RYR1: variants seen among roughly 807,000 people sequenced by gnomAD.
RYR1 encodes the protein ryanodine receptor 1, also known as central core disease of muscle.
Under a neutral mutation model 583.5 loss-of-function variants are expected in RYR1, and 342 were observed. The observed-to-expected ratio is 0.59, with a 90% CI of 0.54 to 0.64. The LOEUF is 0.64. Ranked by LOEUF, RYR1 falls within the 30% of genes least tolerant of loss-of-function variation. The probability of loss-of-function intolerance (pLI) is 0.00; values close to 1 mark genes in which losing one functional copy is unlikely to be tolerated. For missense variants in RYR1, 6,032 were observed against 6,917.2 expected (o/e 0.87, Z 4.54); for synonymous variants, 2,791 against 2,822.5 (o/e 0.99, Z 0.35).
In RYR1 at chr19:38,499,336, T is replaced by G; in HGVS notation, c.7027+93T>G. Reference sequence around the variant, plus strand: ...GACTGCTCGCACCCTGAGCCACAGATGGGGTCCAGGCAGGAATCCCTTCCA... The same window carrying G: ...GACTGCTCGCACCCTGAGCCACAGAGGGGGTCCAGGCAGGAATCCCTTCCA... On this transcript the variant is annotated intron_variant, in intron 43 of 105. Coordinates refer to ENST00000359596, the MANE Select transcript of RYR1 (RefSeq NM_000540.3). This position sits in a 1 kb window ranked among gnomAD's most constrained non-coding sequence, Gnocchi z 7.3. The G allele has an allele frequency of 6.3e-7, 1 of 1,591,462 alleles. No individual in the cohort carries two copies. The highest frequency in any genetic ancestry group is 1.7e-5 in the Admixed American group (1 of 59,934).
At chr19:38,575,409 C>G (rs1973911448) in intron 96 of RYR1, among the ~76,000 whole-genome samples, 1 of 152,126 alleles carries the variant, frequency 6.6e-6, no homozygotes, top group African/African-American at 2.4e-5. Context: ...CCTGTAATCC[C>G]AGCACTTTGG....
intron 34 of RYR1, 34 bp from the exon 35 acceptor site, chr19:38,489,143 G>A (rs771804725): frequency 2.5e-6 from 4 of 1,608,888 alleles, no homozygotes; most frequent in Non-Finnish European, 2.6e-6. Flanking sequence ...AGGCCTTGCA[G>A]GCCACAGTGA....
chr19:38,519,475 C>T, intron 67 of RYR1, 21 bp downstream of exon 67: 1 of 1,578,194 alleles, frequency 6.3e-7, no homozygotes, highest in Non-Finnish European at 8.6e-7. Flanking sequence ...CCCCGCTGTC[C>T]CCATGCCCTC....
At position 38,473,446 on chromosome 19, in the gene RYR1, C is replaced by A. The variant is rs1249689187; in HGVS notation, c.3835C>A (p.Gln1279Lys). 1.9e-6 allele frequency: 3 copies of A among 1,613,964 alleles called. No homozygotes were observed. Among genetic ancestry groups the A allele is most frequent in the Non-Finnish European group, 2.5e-6 (3 of 1,179,962 alleles). ...CCTGACCCACCGCACCTGGGGCTCC[C>A]AGAACAGCCTGGTGGAGATGCTTTT... is the stretch of plus-strand genomic sequence containing the variant. ...LRLTHRTWGSQNSLVEMLFLR... is the reference protein window; with the variant it reads ...LRLTHRTWGSKNSLVEMLFLR... The change falls in exon 28 of 106, where the codon CAG becomes AAG. Residue 1279 changes from glutamine (Q) to lysine (K), a missense_variant. Physicochemically the swap from Gln to Lys is moderately conservative, Grantham distance 53. Around this residue, in one of 11 missense-constraint regions of RYR1, gnomAD observed 2,627 missense variants for 2,961.3 expected, o/e 0.89. Coordinates refer to ENST00000359596, the MANE Select transcript of RYR1 (RefSeq NM_000540.3).
chr19:38,442,598 C>CA, intron 3 of RYR1, 145 bp downstream of exon 3: 1 of 652,552 alleles, frequency 1.5e-6, no homozygotes, highest in South Asian at 1.7e-5. Context: ...CCCTGCCCCC[C>CA]ACAGGCCCTC....
At chr19:38,451,364 T>C (rs1967066242) in intron 11 of RYR1, among the ~76,000 whole-genome samples, 1 of 151,958 alleles carries the variant, frequency 6.6e-6, no homozygotes, top group Non-Finnish European at 1.5e-5. Flanking sequence ...TGGCATTCTA[T>C]CTGGGACAGG....
chr19:38,486,555 C>A (rs1048096485), intron 34 of RYR1, among the ~76,000 whole-genome samples: 1 of 152,158 alleles, frequency 6.6e-6, no homozygotes. Flanking sequence ...GTTGGCCAGG[C>A]TGGTCTCAAA....
At chr19:38,489,067 A>G (rs1235926875) in intron 34 of RYR1, 110 bp from the exon 35 acceptor site, 13 of 963,816 alleles carry the variant, frequency 1.3e-5, no homozygotes, top group Non-Finnish European at 3.3e-6. Flanking sequence ...GGATCAGCCA[A>G]TGCAGGAATG....
chr19:38,537,543 C>A (rs775227794), intron 83 of RYR1, among the ~76,000 whole-genome samples: 1 of 152,166 alleles, frequency 6.6e-6, no homozygotes, highest in Non-Finnish European at 1.5e-5. Flanking sequence ...AGGGCATTAC[C>A]AGCTGCCTGA....
chr19:38,536,188 G>A lies in RYR1; in HGVS notation c.11590+118G>A, dbSNP rs974109097. ...TTCCTCCAAGACACTGGTTCCCAAG[G>A]GCTCCCTCGGGTCCCTCCCTCTGCT... On this transcript the variant is annotated intron_variant, in intron 82 of 105. Transcript: ENST00000359596. 4 of 890,036 alleles carry A rather than the reference G, an allele frequency of 4.5e-6. No individual in the cohort carries two copies. The African/African-American group carries it at 5.6e-5, about 12-fold the overall frequency. 55.1% of individuals were successfully genotyped at this position (890,036 alleles called of 1,614,324 possible). A position where few individuals can be genotyped will look rare whatever the true frequency, so the allele number is the denominator to read the frequency against.
At position 38,567,881 on chromosome 19, in the gene RYR1, C is replaced by G. The variant is rs777869263; in HGVS notation, c.13623C>G (p.Phe4541Leu). 10 of 1,613,894 alleles carry G rather than the reference C, an allele frequency of 6.2e-6. No homozygotes were observed. The Admixed American group carries it at 1.7e-4, about 27-fold the overall frequency. ...AGAAGGAGGAAGCTGGAGGCGAATT[C>G]TGGGGAGAACTGGAGGTGCAGAGGG... is the stretch of plus-strand genomic sequence containing the variant. The part of the protein sequence containing the change: ...PPKKEEAGGE[F>L]WGELEVQRVK... Residue 4541 changes from phenylalanine (F) to leucine (L), a missense_variant, in exon 93 of 106, where the codon TTC becomes TTG. Transcript: ENST00000359596.
At position 38,477,029 on chromosome 19, in the gene RYR1, T is replaced by TC. The variant is rs200860065; in HGVS notation, c.4294-680dup. 4.8e-3 allele frequency among the ~76,000 whole-genome samples: 589 copies of TC among 122,926 alleles called. 9 individuals carry two copies. Among genetic ancestry groups the TC allele is most frequent in the African/African-American group, 0.017 (561 of 32,416 alleles). The allele number at this position is 122,926 out of a possible 152,430, so 80.6% of individuals were successfully genotyped here. ...CTGGATGACAGAGGGAGACTGCAAC[T>TC]CAAAAAAAATAAAAATAAAAAAATA... On this transcript the variant is annotated intron_variant, in intron 29 of 105. Coordinates refer to ENST00000359596, the MANE Select transcript of RYR1 (RefSeq NM_000540.3).
At chr19:38,527,824 G>A (rs1971539481) in intron 73 of RYR1, 40 bp downstream of exon 73, 3 of 1,611,240 alleles carry the variant, frequency 1.9e-6, no homozygotes, top group Non-Finnish European at 2.5e-6. Flanking sequence ...GGGTCTCTGG[G>A]CGGAGCCTGG....
chr19:38,581,514 C>CTTATTTGAGCTTTTCAAACTATTATT (rs1974208222), intron 101 of RYR1, among the ~76,000 whole-genome samples: 1 of 152,120 alleles, frequency 6.6e-6, no homozygotes, highest in Admixed American at 6.6e-5. Flanking sequence ...CGCACCTGGC[C>CTTATTTGAGCTTTTCAAACTATTATT]ATGTCAGATA....
At chr19:38,491,585 C>T (rs138729614) in intron 37 of RYR1, among the ~76,000 whole-genome samples, 2,065 of 152,074 alleles carry the variant, frequency 0.014, 29 homozygotes, top group South Asian at 0.041. Context: ...TGTGCCACCA[C>T]GCCTGGCTAA....
chr19:38,488,822 T>A (rs1969417417), intron 34 of RYR1, among the ~76,000 whole-genome samples: 1 of 152,222 alleles, frequency 6.6e-6, no homozygotes, highest in Non-Finnish European at 1.5e-5. Context: ...TTCATTATGT[T>A]GACTGAGAGC....
In RYR1 at chr19:38,460,621, C is replaced by T. The variant is rs143335342; in HGVS notation, c.2577+30C>T. The T allele has an allele frequency of 3.8e-5, 61 of 1,588,206 alleles. No individual in the cohort carries two copies. In the East Asian group the frequency reaches 4.2e-4, roughly 11 times the overall value. On this transcript the variant is annotated intron_variant, in intron 20 of 105. Transcript: ENST00000359596. ...TGCCTGCCCTGCAAAGGTTTTCTGG[C>T]GAGGCAGGGTCTCTTAGGAGTCAGA...
Position 38,459,282 on chromosome 19 carries a change from G to A in RYR1, c.2304G>A (p.Glu768=), listed in dbSNP as rs2145414163. Residue 768 remains glutamate, a synonymous_variant, in exon 19 of 106, where the codon GAG becomes GAA. Transcript: ENST00000359596. ...INGCPVQGVF[E]SFNLDGLFFP... Reference sequence around the variant, plus strand: ...GCTGCCCCGTGCAGGGTGTCTTTGAGTCCTTCAACCTGGACGGGCTCTTCT... The same window carrying A: ...GCTGCCCCGTGCAGGGTGTCTTTGAATCCTTCAACCTGGACGGGCTCTTCT... 1.9e-6 allele frequency: 3 copies of A among 1,614,110 alleles called. No homozygotes were observed. Among genetic ancestry groups the A allele is most frequent in the Non-Finnish European group, 2.5e-6 (3 of 1,180,028 alleles).
At chr19:38,480,309 A>T (rs905353882) in intron 31 of RYR1, among the ~76,000 whole-genome samples, 1 of 149,430 alleles carries the variant, frequency 6.7e-6, no homozygotes, top group African/African-American at 2.5e-5. Flanking sequence ...TGCCTGGCTA[A>T]TTTTTTTTAG....
Sources: allele counts gnomAD v4.1 joint callset (sites outside exome capture counted in the v4.1 genomes callset), GRCh38; gene constraint gnomAD v4.1.1; regional missense constraint gnomAD v4.1.1; non-coding constraint Gnocchi (gnomAD v3.1); transcripts MANE v1.5; gene names NCBI Gene and HGNC (gene_info 2026-07-23, HGNC 2026-07-21).